BRD10: variants seen among roughly 807,000 people sequenced by gnomAD.
The protein encoded by BRD10 is uncharacterized bromodomain-containing protein 10.
chr9:5,955,568 C>G, the BRD10 span, among the ~76,000 whole-genome samples: 1 of 152,108 alleles, frequency 6.6e-6, no homozygotes, highest in African/African-American at 2.4e-5. Context: ...TATCGCAGAA[C>G]TGTAATTTAT....
the BRD10 span, among the ~76,000 whole-genome samples, chr9:5,926,782 C>T: frequency 1.2e-3 from 183 of 152,170 alleles, 3 homozygotes; most frequent in Middle Eastern, 0.02. Context: ...CTGCCTGCCT[C>T]GGCCTCCCAA....
the BRD10 span, among the ~76,000 whole-genome samples, chr9:5,898,664 T>C: frequency 6.6e-6 from 1 of 152,176 alleles, no homozygotes; most frequent in African/African-American, 2.4e-5. Flanking sequence ...AGGAGTATAT[T>C]AGACACCTCA....
the BRD10 span, chr9:5,923,078 C>A: frequency 1.2e-6 from 2 of 1,613,976 alleles, no homozygotes; most frequent in Non-Finnish European, 8.5e-7. Context: ...TTCACTGAAA[C>A]AGTCAATCTG....
the BRD10 span, among the ~76,000 whole-genome samples, chr9:5,907,466 T>C: frequency 6.6e-6 from 1 of 152,178 alleles, no homozygotes; most frequent in Non-Finnish European, 1.5e-5. Context: ...ACACAGGAGT[T>C]TGAAATAAGA....
the BRD10 span, among the ~76,000 whole-genome samples, chr9:5,977,996 C>T: frequency 6.6e-6 from 1 of 152,140 alleles, no homozygotes; most frequent in Non-Finnish European, 1.5e-5. Context: ...AAAATTAAGC[C>T]TTCAATGTTG....
chr9:5,899,876 T>C, the BRD10 span, among the ~76,000 whole-genome samples: 2 of 152,202 alleles, frequency 1.3e-5, no homozygotes, highest in African/African-American at 4.8e-5. Context: ...TGCCATTGAG[T>C]TGCTTGGAGA....
chr9:5,940,231 T>C, the BRD10 span, among the ~76,000 whole-genome samples: 32 of 152,316 alleles, frequency 2.1e-4, 1 homozygote, highest in Middle Eastern at 0.014. Flanking sequence ...TGGAGTGCAC[T>C]GGTACAATCT....
chr9:5,930,901 A>G, the BRD10 span, among the ~76,000 whole-genome samples: 1 of 152,242 alleles, frequency 6.6e-6, no homozygotes, highest in Non-Finnish European at 1.5e-5. Flanking sequence ...ACTTTCATCT[A>G]GAAAAAGTGA....
chr9:5,945,712 T>C, the BRD10 span, among the ~76,000 whole-genome samples: 12 of 152,104 alleles, frequency 7.9e-5, no homozygotes, highest in African/African-American at 2.9e-4. Flanking sequence ...TAACTACATC[T>C]TAGTTTTTGT....
the BRD10 span, among the ~76,000 whole-genome samples, chr9:5,935,090 G>A: frequency 6.6e-6 from 1 of 152,122 alleles, no homozygotes; most frequent in African/African-American, 2.4e-5. Flanking sequence ...TATTTTGACA[G>A]TATAATACAT....
At chr9:5,956,919 A>C in the BRD10 span, among the ~76,000 whole-genome samples, 2 of 152,134 alleles carry the variant, frequency 1.3e-5, no homozygotes, top group Admixed American at 1.3e-4. Flanking sequence ...AGTGATCCCT[A>C]AATACAAGAA....
the BRD10 span, among the ~76,000 whole-genome samples, chr9:5,950,046 T>C: frequency 1.3e-5 from 2 of 152,326 alleles, no homozygotes; most frequent in African/African-American, 2.4e-5. Context: ...ATGACAAATA[T>C]ATAATGCATC....
At chr9:5,934,208 T>C in the BRD10 span, among the ~76,000 whole-genome samples, 6 of 151,930 alleles carry the variant, frequency 3.9e-5, no homozygotes, top group Non-Finnish European at 7.3e-5. Context: ...AAAGTATGAA[T>C]GCTTTTTTCC....
chr9:5,898,811 C>G, the BRD10 span: 1 of 152,170 alleles, frequency 6.6e-6, no homozygotes, highest in African/African-American at 2.4e-5. Flanking sequence ...ACTAAGCATC[C>G]CAGGATATCA....
the BRD10 span, among the ~76,000 whole-genome samples, chr9:5,959,765 A>C: frequency 2.6e-5 from 4 of 152,138 alleles, no homozygotes; most frequent in African/African-American, 4.8e-5. Flanking sequence ...ATTTCCTATA[A>C]AGCAGCTCAT....
At chr9:5,961,370 T>C in the BRD10 span, among the ~76,000 whole-genome samples, 1 of 152,190 alleles carries the variant, frequency 6.6e-6, no homozygotes, top group Non-Finnish European at 1.5e-5. Context: ...AGGGCTATTC[T>C]TTTTGCTTGT....
At chr9:5,953,961 TATGAACA>T in the BRD10 span, 5 of 953,768 alleles carry the variant, frequency 5.2e-6, no homozygotes, top group Non-Finnish European at 8.2e-6. Flanking sequence ...CGAGGAATGA[TATGAACA>T]CTGAAACAAA....
At chr9:5,936,761 G>C in the BRD10 span, among the ~76,000 whole-genome samples, 1 of 152,078 alleles carries the variant, frequency 6.6e-6, no homozygotes, top group African/African-American at 2.4e-5. Context: ...AACTAAGAAT[G>C]ATGTAAAGCT....
At chr9:5,922,004 G>C in the BRD10 span, 166 of 1,614,026 alleles carry the variant, frequency 1.0e-4, 2 homozygotes, top group South Asian at 1.8e-3. Context: ...TGAAAAAGCA[G>C]AGGAAGAAGT....
Sources: allele counts gnomAD v4.1 joint callset (sites outside exome capture counted in the v4.1 genomes callset), GRCh38; gene constraint gnomAD v4.1.1; transcripts MANE v1.5; gene names NCBI Gene and HGNC (gene_info 2026-07-23, HGNC 2026-07-21).